DGKB: variants seen among roughly 807,000 people sequenced by gnomAD.
DGKB encodes the protein 90 kDa diacylglycerol kinase.
A neutral mutation model predicts 114.3 loss-of-function variants in DGKB; 67 were observed. The observed-to-expected ratio is 0.59, with a 90% CI of 0.48 to 0.72. The LOEUF (loss-of-function observed/expected upper bound fraction) is 0.72. DGKB is among the 30% of genes least tolerant of loss of function. DGKB has a pLI of 0.00. For missense variants in DGKB, 907 were observed against 975.2 expected, an observed-to-expected ratio of 0.93 and a Z score of 0.93; for synonymous variants, 398 against 323.1, an observed-to-expected ratio of 1.23 and a Z score of -2.49.
intron 1 of DGKB, among the ~76,000 whole-genome samples, chr7:14,867,948 T>G (rs997563233): frequency 6.6e-5 from 10 of 152,142 alleles, no homozygotes; most frequent in Non-Finnish European, 1.2e-4. Flanking sequence ...ATTCTTGAGG[T>G]GCTCCCCATT....
At chr7:14,715,966 G>A (rs1022768593) in intron 6 of DGKB, among the ~76,000 whole-genome samples, 4 of 152,086 alleles carry the variant, frequency 2.6e-5, no homozygotes, top group African/African-American at 9.7e-5. Flanking sequence ...TAAATACCTG[G>A]CAGAAAAGAC....
At chr7:14,351,732 AG>A (rs1360307957) in intron 21 of DGKB, among the ~76,000 whole-genome samples, 2 of 152,200 alleles carry the variant, frequency 1.3e-5, no homozygotes, top group Non-Finnish European at 2.9e-5. Context: ...GTGTATAAAA[AG>A]TTAGGTATTT....
intron 20 of DGKB, among the ~76,000 whole-genome samples, chr7:14,487,222 T>C (rs1265745662): frequency 6.6e-6 from 1 of 152,222 alleles, no homozygotes; most frequent in Non-Finnish European, 1.5e-5. Context: ...ATATGTTAAA[T>C]TCTAACATGC....
intron 4 of DGKB, among the ~76,000 whole-genome samples, chr7:14,741,754 T>C (rs1017678266): frequency 1.3e-5 from 2 of 152,326 alleles, no homozygotes; most frequent in South Asian, 4.1e-4. Flanking sequence ...TCATAACTTT[T>C]TGGGGCTTGT....
At chr7:14,478,466 C>T (rs181720081) in intron 20 of DGKB, among the ~76,000 whole-genome samples, 9 of 151,858 alleles carry the variant, frequency 5.9e-5, no homozygotes, top group Admixed American at 5.2e-4. Flanking sequence ...ACATTTACAT[C>T]TAAGACTTTA....
intron 23 of DGKB, among the ~76,000 whole-genome samples, chr7:14,233,975 A>G (rs971345527): frequency 2.6e-5 from 4 of 152,016 alleles, no homozygotes; most frequent in African/African-American, 9.7e-5. Context: ...TGAGAAGTGC[A>G]CCTGTTTTAG....
intron 1 of DGKB, among the ~76,000 whole-genome samples, chr7:14,910,456 T>C (rs534265252): frequency 1.3e-5 from 2 of 152,226 alleles, no homozygotes; most frequent in South Asian, 2.1e-4. Flanking sequence ...ACATAAACCT[T>C]TATGGAAACT....
At chr7:14,547,695 A>C (rs1327667368) in intron 20 of DGKB, among the ~76,000 whole-genome samples, 1 of 151,724 alleles carries the variant, frequency 6.6e-6, no homozygotes, top group African/African-American at 2.4e-5. Flanking sequence ...AATGTTAAAA[A>C]AATTCCTTAG....
intron 23 of DGKB, among the ~76,000 whole-genome samples, chr7:14,301,441 A>T (rs559740538): frequency 2.0e-5 from 3 of 152,116 alleles, no homozygotes; most frequent in Non-Finnish European, 4.4e-5. Context: ...CCCAGTCAAG[A>T]CATCTTCATG....
intron 1 of DGKB, among the ~76,000 whole-genome samples, chr7:14,933,636 C>A (rs1180768058): frequency 6.6e-6 from 1 of 152,004 alleles, no homozygotes. Context: ...TTAACTTATT[C>A]AATTTCCAAA....
intron 20 of DGKB, among the ~76,000 whole-genome samples, chr7:14,505,453 CG>C (rs1786886091): frequency 7.1e-6 from 1 of 141,650 alleles, no homozygotes; most frequent in African/African-American, 2.5e-5. Flanking sequence ...GACTCCGTCT[CG>C]AAAAAAAAAA....
intron 20 of DGKB, among the ~76,000 whole-genome samples, chr7:14,523,299 A>C (rs12699628): frequency 0.36 from 54,515 of 152,120 alleles, 10,155 homozygotes; most frequent in Admixed American, 0.45. Context: ...GAGACCACCT[A>C]TGAAAAGAGA....
chr7:14,834,096 G>C (rs1034748773), intron 2 of DGKB, among the ~76,000 whole-genome samples: 2 of 151,990 alleles, frequency 1.3e-5, no homozygotes, highest in Non-Finnish European at 2.9e-5. Context: ...AAGGAAACTT[G>C]GAAAATTCTA....
At chr7:14,817,083 T>C (rs1844260740) in intron 2 of DGKB, among the ~76,000 whole-genome samples, 1 of 152,214 alleles carries the variant, frequency 6.6e-6, no homozygotes, top group African/African-American at 2.4e-5. Flanking sequence ...GTCTACACTA[T>C]ATTATATAAG....
intron 13 of DGKB, among the ~76,000 whole-genome samples, chr7:14,649,722 C>T (rs550885015): frequency 7.1e-6 from 1 of 140,100 alleles, no homozygotes. Flanking sequence ...AGAGTCAAGA[C>T]CCATCAGTGT....
intron 20 of DGKB, among the ~76,000 whole-genome samples, chr7:14,500,186 A>C (rs1785927018): frequency 6.6e-6 from 1 of 151,872 alleles, no homozygotes; most frequent in Non-Finnish European, 1.5e-5. Flanking sequence ...AAAATAAAAC[A>C]ATATCCTCCT....
At chr7:14,369,155 G>C (rs750111540) in intron 21 of DGKB, among the ~76,000 whole-genome samples, 35 of 151,900 alleles carry the variant, frequency 2.3e-4, no homozygotes, top group Admixed American at 2.6e-4. Context: ...CCAATTATGA[G>C]TGAGAACATG....
At chr7:14,746,440 TA>T (rs752777239) in intron 4 of DGKB, among the ~76,000 whole-genome samples, 5 of 152,140 alleles carry the variant, frequency 3.3e-5, no homozygotes, top group Admixed American at 1.3e-4. Context: ...ATAAAAGGAT[TA>T]GGTTAAAGGA....
At chr7:14,242,864 C>CTTT (rs1283218926) in intron 23 of DGKB, among the ~76,000 whole-genome samples, 5 of 66,424 alleles carry the variant, frequency 7.5e-5, no homozygotes, top group Non-Finnish European at 1.4e-4. Flanking sequence ...TATATGAAGG[C>CTTT]TGTTTTTTTT....
Sources: gnomAD v4.1 joint callset for allele counts (sites outside exome capture counted in the v4.1 genomes callset) on GRCh38, gnomAD v4.1.1 for gene constraint, MANE v1.5 for transcripts, NCBI Gene and HGNC (gene_info 2026-07-23, HGNC 2026-07-21) for gene names.